The following CDC14B variants were observed in gnomAD, a reference collection of about 807,000 sequenced individuals.
CDC14B encodes dual specificity protein phosphatase CDC14B.
In CDC14B, 22 loss-of-function variants were observed where a neutral mutation model predicts 64.2. That is an observed-to-expected ratio of 0.34 (90% CI 0.24 to 0.49). CDC14B has a LOEUF of 0.49. Ranked by LOEUF, CDC14B falls within the 20% of genes least tolerant of loss-of-function variation. The pLI, the probability that CDC14B is intolerant of heterozygous loss-of-function variation, is 0.99. For synonymous variants in CDC14B, 191 were observed against 215.8 expected (o/e 0.89, Z 1.01); for missense variants, 498 against 629.9 (o/e 0.79, Z 2.24).
At chr9:96,495,594 A>G (rs1014182444), downstream of CDC14B, among the ~76,000 whole-genome samples, 7 of 152,110 alleles carry the variant, frequency 4.6e-5, no homozygotes, top group South Asian at 2.1e-4. Flanking sequence ...ACTGACCACA[A>G]CTTGCATGTT....
intron 1 of CDC14B, among the ~76,000 whole-genome samples, chr9:96,618,013 CTGG>C (rs1434297993): frequency 2.6e-5 from 4 of 152,214 alleles, no homozygotes; most frequent in African/African-American, 9.6e-5. Flanking sequence ...CGGCCGGGGA[CTGG>C]TACTCAGGGC....
intron 1 of CDC14B, among the ~76,000 whole-genome samples, chr9:96,587,881 C>T (rs1473482866): frequency 6.6e-6 from 1 of 152,064 alleles, no homozygotes; most frequent in Admixed American, 6.6e-5. Flanking sequence ...CCGCCCCGCC[C>T]CCACAATTTC....
chr9:96,496,915 GAA>G (rs952333541), downstream of CDC14B, among the ~76,000 whole-genome samples: 2 of 152,260 alleles, frequency 1.3e-5, no homozygotes, highest in African/African-American at 2.4e-5. Context: ...CGGGGCCAGG[GAA>G]ACGCATGGGG....
chr9:96,536,908 T>A (rs1839349752), intron 7 of CDC14B, among the ~76,000 whole-genome samples: 1 of 152,230 alleles, frequency 6.6e-6, no homozygotes, highest in African/African-American at 2.4e-5. Flanking sequence ...TTATTCTTTT[T>A]AAAATATATA....
chr9:96,566,722 G>GCGGGTGC, intron 1 of CDC14B: 1 of 1,563,268 alleles, frequency 6.4e-7, no homozygotes. Flanking sequence ...CTGTCCCAGC[G>GCGGGTGC]CGGGTGCCGG....
In CDC14B at chr9:96,619,764, G is replaced by C. The variant is rs984261316; in HGVS notation, c.-386C>G. 3 of 151,648 alleles carry C rather than the reference G, an allele frequency of 2.0e-5. No homozygotes were observed. Among genetic ancestry groups the C allele is most frequent in the Admixed American group, 1.3e-4 (2 of 15,240 alleles). 9.4% of individuals were successfully genotyped at this position (151,648 alleles called of 1,614,324 possible). On this transcript the variant is annotated 5_prime_UTR_variant, in exon 1 of 14. Transcript: ENST00000375241. ...GTGCGTGCCCACCGCGGCCGCGGCC[G>C]CTGCTGCGTAGGCGCCGGGGCACAG...
intron 13 of CDC14B, among the ~76,000 whole-genome samples, chr9:96,493,909 C>T (rs966793450): frequency 2.0e-4 from 30 of 152,336 alleles, no homozygotes; most frequent in Non-Finnish European, 2.8e-4. Context: ...ACCTCATCCC[C>T]GCGCTCCCAG....
chr9:96,581,884 C>G (rs1018604610), intron 1 of CDC14B, among the ~76,000 whole-genome samples: 1 of 152,198 alleles, frequency 6.6e-6, no homozygotes, highest in Non-Finnish European at 1.5e-5. Context: ...GCATTGGTAG[C>G]TAGTGCTCTG....
At chr9:96,608,917 ACACACAC>A (rs1564393104) in intron 1 of CDC14B, among the ~76,000 whole-genome samples, 2 of 151,960 alleles carry the variant, frequency 1.3e-5, no homozygotes, top group African/African-American at 4.8e-5. Context: ...ACACACACAC[ACACACAC>A]ACGAAAAGAC....
intron 1 of CDC14B, among the ~76,000 whole-genome samples, chr9:96,573,870 G>A (rs1009152505): frequency 3.9e-5 from 6 of 152,082 alleles, no homozygotes; most frequent in Non-Finnish European, 7.4e-5. Flanking sequence ...CAAGAAGGCC[G>A]GGTGCAGTGG....
intron 1 of CDC14B, among the ~76,000 whole-genome samples, chr9:96,595,176 A>G (rs1846001784): frequency 6.6e-6 from 1 of 152,178 alleles, no homozygotes; most frequent in Admixed American, 6.6e-5. Context: ...ATTAGCCCTC[A>G]ACTAAGCATT....
intron 1 of CDC14B, among the ~76,000 whole-genome samples, chr9:96,616,343 T>A (rs964188000): frequency 6.6e-6 from 1 of 151,656 alleles, no homozygotes; most frequent in Non-Finnish European, 1.5e-5. Context: ...AGAGAACTAA[T>A]CTTGCTGGTA....
chr9:96,504,556 C>G (rs773333263), intron 13 of CDC14B, among the ~76,000 whole-genome samples: 6 of 152,190 alleles, frequency 3.9e-5, no homozygotes, highest in Non-Finnish European at 8.8e-5. Flanking sequence ...TCCAGACCAG[C>G]TAGTGAGACA....
chr9:96,579,496 G>C (rs566848175), intron 1 of CDC14B, among the ~76,000 whole-genome samples: 111 of 151,874 alleles, frequency 7.3e-4, no homozygotes, highest in African/African-American at 2.5e-3. Context: ...TGAGGCAGGA[G>C]AACGGCCTGA....
At chr9:96,617,689 T>C (rs1403821917) in intron 1 of CDC14B, among the ~76,000 whole-genome samples, 4 of 152,136 alleles carry the variant, frequency 2.6e-5, no homozygotes, top group Admixed American at 2.6e-4. Flanking sequence ...CACAAGAAAC[T>C]GGGAAGAGTA....
At chr9:96,522,432 C>T (rs1836874691) in intron 12 of CDC14B, 74 bp downstream of exon 12, 1 of 967,894 alleles carries the variant, frequency 1.0e-6, no homozygotes, top group South Asian at 1.3e-5. Context: ...GAAAAATGTA[C>T]AGGAAAAACC....
chr9:96,527,342 T>C (rs1209043200), intron 9 of CDC14B, among the ~76,000 whole-genome samples: 1 of 152,146 alleles, frequency 6.6e-6, no homozygotes, highest in Non-Finnish European at 1.5e-5. Flanking sequence ...GAGGTTGCAG[T>C]GAGCTGAGAT....
At chr9:96,542,449 G>A (rs1474955523) in intron 5 of CDC14B, among the ~76,000 whole-genome samples, 1 of 152,076 alleles carries the variant, frequency 6.6e-6, no homozygotes, top group Middle Eastern at 3.4e-3. Flanking sequence ...TGTTGCTATC[G>A]TTATCCTAAA....
intron 1 of CDC14B, among the ~76,000 whole-genome samples, chr9:96,579,648 A>G (rs1035546339): frequency 1.3e-5 from 2 of 151,978 alleles, no homozygotes; most frequent in East Asian, 1.9e-4. Flanking sequence ...AGGAAAGGTC[A>G]CGTGGAGGTA....
Sources: gnomAD v4.1 joint callset for allele counts (sites outside exome capture counted in the v4.1 genomes callset) on GRCh38, gnomAD v4.1.1 for gene constraint, MANE v1.5 for transcripts, NCBI Gene and HGNC (gene_info 2026-07-23, HGNC 2026-07-21) for gene names.